The following CCDC178 variants were observed in gnomAD, a reference collection of about 807,000 sequenced individuals.
CCDC178 encodes the protein coiled-coil domain-containing protein 178.
A neutral mutation model predicts 117.4 loss-of-function variants in CCDC178; 126 were observed. That is an observed-to-expected ratio of 1.07 (90% CI 0.93 to 1.24). The LOEUF is 1.24. Among genes scored for constraint, CCDC178 ranks in the 50% most tolerant of loss-of-function variants. The pLI is 0.00. For missense variants in CCDC178, 1,030 were observed against 986.9 expected (o/e 1.04, Z -0.59); for synonymous variants, 283 against 313.4 (o/e 0.90, Z 1.02).
chr18:32,978,544 A>G (rs768939456), intron 21 of CCDC178, among the ~76,000 whole-genome samples: 1 of 152,212 alleles, frequency 6.6e-6, no homozygotes, highest in African/African-American at 2.4e-5. Context: ...CCCAACTTGA[A>G]CTGATAAAAG....
intron 20 of CCDC178, among the ~76,000 whole-genome samples, chr18:33,181,612 T>G (rs2144482448): frequency 6.6e-6 from 1 of 152,110 alleles, no homozygotes; most frequent in Admixed American, 6.6e-5. Flanking sequence ...ACTTTTGTAC[T>G]GTTCAGTGAT....
intron 11 of CCDC178, among the ~76,000 whole-genome samples, chr18:33,313,705 G>A (rs2062373865): frequency 6.6e-6 from 1 of 152,120 alleles, no homozygotes; most frequent in African/African-American, 2.4e-5. Context: ...TGCCCCACTT[G>A]CTATGTTAAT....
intron 2 of CCDC178, among the ~76,000 whole-genome samples, chr18:33,415,027 C>A (rs1463196575): frequency 6.6e-6 from 1 of 152,068 alleles, no homozygotes; most frequent in African/African-American, 2.4e-5. Flanking sequence ...GTTAGAATGG[C>A]GATCATTAAA....
chr18:33,413,528 T>C (rs568161248), intron 2 of CCDC178, among the ~76,000 whole-genome samples: 2 of 85,234 alleles, frequency 2.3e-5, no homozygotes, highest in African/African-American at 7.4e-5. Flanking sequence ...ACTGGGTAAA[T>C]TGAAAAAAAA....
chr18:33,193,490 A>G (rs1028838282), intron 20 of CCDC178, among the ~76,000 whole-genome samples: 1 of 152,146 alleles, frequency 6.6e-6, no homozygotes, highest in African/African-American at 2.4e-5. Flanking sequence ...GCTTCATTTG[A>G]AAGTCTTTAG....
At chr18:33,166,846 C>A (rs1016811251) in intron 20 of CCDC178, among the ~76,000 whole-genome samples, 1 of 152,058 alleles carries the variant, frequency 6.6e-6, no homozygotes, top group Non-Finnish European at 1.5e-5. Context: ...TTACTTGTCT[C>A]AGGGATTGAT....
intron 20 of CCDC178, among the ~76,000 whole-genome samples, chr18:33,172,859 A>G (rs2058619691): frequency 6.6e-6 from 1 of 152,166 alleles, no homozygotes; most frequent in Admixed American, 6.5e-5. Context: ...AGAAATGTAC[A>G]CATTTAGGTC....
At chr18:33,101,625 T>C (rs956543646) in intron 20 of CCDC178, among the ~76,000 whole-genome samples, 1 of 151,930 alleles carries the variant, frequency 6.6e-6, no homozygotes, top group Non-Finnish European at 1.5e-5. Context: ...CCACAACTTA[T>C]TCTAATTATG....
At chr18:33,162,576 C>T (rs1382107397) in intron 20 of CCDC178, among the ~76,000 whole-genome samples, 1 of 152,130 alleles carries the variant, frequency 6.6e-6, no homozygotes. Context: ...GATCCTCTCC[C>T]TCCTCCAAAC....
At chr18:33,422,987 A>T (rs1295788409) in intron 2 of CCDC178, among the ~76,000 whole-genome samples, 1 of 152,158 alleles carries the variant, frequency 6.6e-6, no homozygotes, top group Non-Finnish European at 1.5e-5. Flanking sequence ...AAATCACTAT[A>T]TTCCTCTAAT....
intron 21 of CCDC178, among the ~76,000 whole-genome samples, chr18:33,020,671 C>T (rs536471218): frequency 2.6e-5 from 4 of 152,072 alleles, no homozygotes; most frequent in Admixed American, 6.5e-5. Flanking sequence ...TCTAAAATTA[C>T]GTACTGAGTT....
chr18:33,070,632 T>C (rs572568541), intron 21 of CCDC178, among the ~76,000 whole-genome samples: 2 of 152,044 alleles, frequency 1.3e-5, no homozygotes, highest in South Asian at 4.1e-4. Flanking sequence ...AACCAATTTA[T>C]TGTATATTTA....
chr18:32,997,954 C>A (rs2055551212), intron 21 of CCDC178, among the ~76,000 whole-genome samples: 1 of 152,188 alleles, frequency 6.6e-6, no homozygotes, highest in South Asian at 2.1e-4. Context: ...GATTGTCCTC[C>A]CGACAGGAGC....
intron 20 of CCDC178, among the ~76,000 whole-genome samples, chr18:33,135,292 C>T (rs543618383): frequency 6.6e-6 from 1 of 151,960 alleles, no homozygotes; most frequent in South Asian, 2.1e-4. Context: ...ATATAATGGT[C>T]AAAGTTTTGG....
At chr18:33,102,718 C>T (rs1471669906) in intron 20 of CCDC178, among the ~76,000 whole-genome samples, 1 of 151,696 alleles carries the variant, frequency 6.6e-6, no homozygotes, top group Non-Finnish European at 1.5e-5. Flanking sequence ...ATATCTAAGG[C>T]AATTTTCTAC....
chr18:33,250,798 A>C (rs2059611863), intron 14 of CCDC178, among the ~76,000 whole-genome samples: 1 of 151,582 alleles, frequency 6.6e-6, no homozygotes, highest in Non-Finnish European at 1.5e-5. Flanking sequence ...CATCAAATTG[A>C]AAAGTCTTAC....
rs1268637279 is a variant in CCDC178, at chr18:33,022,861, G to C, written c.2389-48180C>G. ...ACAGGGAATTCATTCTAAATATAAT[G>C]ATATATAGGGGGGCTGGAAGTAAAG... On this transcript the variant is annotated intron_variant, in intron 21 of 22. Coordinates refer to ENST00000383096, the MANE Select transcript of CCDC178 (RefSeq NM_001105528.4). 5.3e-5 allele frequency among the ~76,000 whole-genome samples: 8 copies of C among 152,082 alleles called. No individual in the cohort carries two copies. The East Asian group carries it at 1.4e-3, about 26-fold the overall frequency.
Position 33,412,031 on chromosome 18 carries a change from C to T in CCDC178, c.58G>A (p.Gly20Ser). Residue 20 changes from glycine (G) to serine (S), a missense_variant and splice_region_variant, in exon 3 of 23, where the codon GGT becomes AGT. By Grantham distance (56) the Gly-to-Ser change is moderately conservative (BLOSUM62 0). Coordinates refer to ENST00000383096, the MANE Select transcript of CCDC178 (RefSeq NM_001105528.4). ...GAAAATCAATTTATGATAAACTTACCTATATTGGTTTGATCATCTCTAGTG... is the reference window on the plus strand; with the variant it reads ...GAAAATCAATTTATGATAAACTTACTTATATTGGTTTGATCATCTCTAGTG... ...SSTRDDQTNIGLTCQEVKALR... is the reference protein window; with the variant it reads ...SSTRDDQTNISLTCQEVKALR... 1.4e-6 allele frequency: 2 copies of T among 1,418,300 alleles called. No individual in the cohort carries two copies. The highest frequency in any genetic ancestry group is 2.0e-6 in the Non-Finnish European group (2 of 1,022,100). 87.9% of individuals were successfully genotyped at this position (1,418,300 alleles called of 1,614,324 possible). A position where few individuals can be genotyped will look rare whatever the true frequency, so the allele number is the denominator to read the frequency against.
intron 21 of CCDC178, among the ~76,000 whole-genome samples, chr18:33,088,160 A>T (rs2057410478): frequency 6.6e-6 from 1 of 151,852 alleles, no homozygotes; most frequent in African/African-American, 2.4e-5. Context: ...AGCAGAGATA[A>T]GGTGGCACAT....
Sources: gnomAD v4.1 joint callset for allele counts (sites outside exome capture counted in the v4.1 genomes callset) on GRCh38, gnomAD v4.1.1 for gene constraint, MANE v1.5 for transcripts, NCBI Gene and HGNC (gene_info 2026-07-23, HGNC 2026-07-21) for gene names.